Variants in SCAPER observed in about 807,000 individuals in gnomAD.
SCAPER encodes the protein S phase cyclin A-associated protein in the endoplasmic reticulum.
A neutral mutation model predicts 182.2 loss-of-function variants in SCAPER; 98 were observed. That is an observed-to-expected ratio of 0.54 (90% CI 0.46 to 0.64). The LOEUF is 0.64. SCAPER is among the 30% of genes least tolerant of loss of function. The pLI is 0.00. For missense variants in SCAPER, 1,432 were observed against 1,690.0 expected, an observed-to-expected ratio of 0.85 and a Z score of 2.68; for synonymous variants, 605 against 564.6, an observed-to-expected ratio of 1.07 and a Z score of -1.01.
intron 4 of SCAPER, among the ~76,000 whole-genome samples, chr15:76,853,315 C>T (rs1439382329): frequency 6.6e-6 from 1 of 152,118 alleles, no homozygotes; most frequent in Non-Finnish European, 1.5e-5. Flanking sequence ...GAACTCCTCC[C>T]CAACTCATTC....
chr15:76,588,221 CCT>C lies in SCAPER; in HGVS notation c.2712-13939_2712-13938del, dbSNP rs1400730557. Among the ~76,000 whole-genome samples the C allele has an allele frequency of 2.0e-5, 3 of 152,164 alleles. No individual in the cohort carries two copies. In the East Asian group the frequency reaches 5.8e-4, roughly 29 times the overall value. On this transcript the variant is annotated intron_variant, in intron 22 of 31. Transcript: ENST00000563290. ...ACAGGCGTGAGCCACCGCGCCCGGC[CCT>C]GTCTCTCTTATTTCTTAGGTAGCAG...
chr15:76,626,913 C>G (rs1301356232), intron 21 of SCAPER, among the ~76,000 whole-genome samples: 1 of 152,076 alleles, frequency 6.6e-6, no homozygotes, highest in Non-Finnish European at 1.5e-5. Flanking sequence ...AGGAAAAATA[C>G]AAGTTATGCT....
chr15:76,358,722 T>A (rs1237495727), intron 29 of SCAPER, among the ~76,000 whole-genome samples: 1 of 152,246 alleles, frequency 6.6e-6, no homozygotes, highest in Non-Finnish European at 1.5e-5. Flanking sequence ...GTTAGGGCTT[T>A]AACATATGAA....
intron 23 of SCAPER, among the ~76,000 whole-genome samples, chr15:76,557,596 A>C (rs943640698): frequency 6.6e-6 from 1 of 152,166 alleles, no homozygotes; most frequent in Non-Finnish European, 1.5e-5. Flanking sequence ...TGCTTTGGCC[A>C]TGTGAAGTGC....
intron 17 of SCAPER, among the ~76,000 whole-genome samples, chr15:76,724,805 G>T (rs1057114495): frequency 6.6e-6 from 1 of 152,014 alleles, no homozygotes; most frequent in Admixed American, 6.6e-5. Flanking sequence ...CTCTGCATTG[G>T]TTATTCTAGT....
intron 23 of SCAPER, 68 bp from the exon 24 acceptor site, chr15:76,505,042 G>T: frequency 9.1e-7 from 1 of 1,102,510 alleles, no homozygotes; most frequent in Non-Finnish European, 1.3e-6. Context: ...AATGATATCT[G>T]TAGTCTGAAA....
intron 14 of SCAPER, among the ~76,000 whole-genome samples, chr15:76,757,614 G>C (rs1237849024): frequency 1.3e-5 from 2 of 152,124 alleles, no homozygotes; most frequent in Non-Finnish European, 1.5e-5. Flanking sequence ...AATTCCTTTG[G>C]ATATATACCC....
intron 8 of SCAPER, among the ~76,000 whole-genome samples, chr15:76,783,580 C>CA (rs1415331509): frequency 6.6e-6 from 1 of 151,818 alleles, no homozygotes; most frequent in Non-Finnish European, 1.5e-5. Context: ...GACACAAAAA[C>CA]AAAAAAAGAG....
intron 22 of SCAPER, among the ~76,000 whole-genome samples, chr15:76,579,961 TA>T (rs2048146657): frequency 6.6e-6 from 1 of 152,064 alleles, no homozygotes; most frequent in Non-Finnish European, 1.5e-5. Flanking sequence ...GTCAATTCAG[TA>T]AAACAATATA....
At chr15:76,355,819 C>A (rs1484199996) in intron 29 of SCAPER, among the ~76,000 whole-genome samples, 2 of 152,204 alleles carry the variant, frequency 1.3e-5, no homozygotes, top group East Asian at 3.8e-4. Context: ...CCTCAAGGAA[C>A]AGAGCTAGTT....
At chr15:76,604,588 TGGC>T (rs1428746678) in intron 22 of SCAPER, among the ~76,000 whole-genome samples, 5 of 63,982 alleles carry the variant, frequency 7.8e-5, no homozygotes, top group Non-Finnish European at 2.8e-4. Flanking sequence ...TTGATGGGGA[TGGC>T]ATTGAATCTA....
In SCAPER at chr15:76,532,222, A is replaced by G. The variant is rs149566469; in HGVS notation, c.2839-27248T>C. On this transcript the variant is annotated intron_variant, in intron 23 of 31. Transcript: ENST00000563290. ...CTGGTGCAAGAAGCTGAGGCTTATC[A>G]TTTCTGTGGCAATGCTCTCCCTCAT... Among the ~76,000 whole-genome samples, 546 of 152,172 alleles carry G rather than the reference A, an allele frequency of 3.6e-3. 2 individuals carry two copies. The highest frequency in any genetic ancestry group is 0.013 in the African/African-American group (524 of 41,502).
At chr15:76,859,218 A>AGTC (rs1394506775) in intron 3 of SCAPER, among the ~76,000 whole-genome samples, 1 of 152,238 alleles carries the variant, frequency 6.6e-6, no homozygotes, top group Non-Finnish European at 1.5e-5. Context: ...CCCCTGAAGC[A>AGTC]ATATAAGTGA....
chr15:76,587,886 C>A (rs1441862857), intron 22 of SCAPER, among the ~76,000 whole-genome samples: 1 of 151,840 alleles, frequency 6.6e-6, no homozygotes, highest in African/African-American at 2.4e-5. Context: ...AAGTCCCCCA[C>A]TATTACTGTG....
chr15:76,526,971 A>C (rs1228778229), intron 23 of SCAPER, among the ~76,000 whole-genome samples: 1 of 151,864 alleles, frequency 6.6e-6, no homozygotes, highest in Non-Finnish European at 1.5e-5. Context: ...TCCCGTGTTC[A>C]AGCTATTCTC....
At chr15:76,381,699 C>A in intron 27 of SCAPER, 84 bp from the exon 28 acceptor site, 1 of 1,105,308 alleles carries the variant, frequency 9.0e-7, no homozygotes, top group South Asian at 1.5e-5. Context: ...ACAAGACAAG[C>A]AGACCGTTAA....
intron 5 of SCAPER, among the ~76,000 whole-genome samples, chr15:76,806,485 C>A: frequency 6.6e-6 from 1 of 152,238 alleles, no homozygotes; most frequent in East Asian, 1.9e-4. Context: ...GGTCCTCAAA[C>A]GTTGTTCTTT....
At position 76,348,491 on chromosome 15, in the gene SCAPER, ATAGTG is replaced by A. The variant is rs1443646572; in HGVS notation, c.*137_*141del. 5.8e-6 allele frequency: 3 copies of A among 517,992 alleles called. No individual in the cohort carries two copies. Among genetic ancestry groups the A allele is most frequent in the African/African-American group, 5.8e-5 (3 of 52,034 alleles). 32.1% of individuals were successfully genotyped at this position (517,992 alleles called of 1,614,324 possible). A position where few individuals can be genotyped will look rare whatever the true frequency, so the allele number is the denominator to read the frequency against. ...ATTCAAGTATCTACAGTCATTATAA[ATAGTG>A]TAAAGTACATGCCATATCTACAGTG... On this transcript the variant is annotated 3_prime_UTR_variant, in exon 32 of 32. Coordinates refer to ENST00000563290, the MANE Select transcript of SCAPER (RefSeq NM_020843.4).
intron 31 of SCAPER, 196 bp from the exon 32 acceptor site, chr15:76,348,932 T>C (rs930760382): frequency 2.4e-6 from 1 of 423,098 alleles, no homozygotes. Context: ...ATATGACATA[T>C]ATTTTAACCA....
Sources: allele counts gnomAD v4.1 joint callset (sites outside exome capture counted in the v4.1 genomes callset), GRCh38; gene constraint gnomAD v4.1.1; transcripts MANE v1.5; gene names NCBI Gene and HGNC (gene_info 2026-07-23, HGNC 2026-07-21).